Variants in ZNF385D observed in about 807,000 individuals in gnomAD.
The protein encoded by ZNF385D is zinc finger protein 659.
In ZNF385D, 15 loss-of-function variants were observed where a neutral mutation model predicts 35.8. The ratio of observed to expected loss-of-function variants is 0.42; its 90% CI spans 0.28 to 0.64. The LOEUF (loss-of-function observed/expected upper bound fraction) is 0.64. ZNF385D is among the 30% of genes least tolerant of loss of function. ZNF385D has a pLI of 0.23. For missense variants in ZNF385D, 474 were observed against 494.6 expected (o/e 0.96, Z 0.39); for synonymous variants, 212 against 186.8 (o/e 1.13, Z -1.10).
chr3:21,971,128 C>A (rs1703228655), intron 3 of ZNF385D, among the ~76,000 whole-genome samples: 1 of 151,868 alleles, frequency 6.6e-6, no homozygotes, highest in Non-Finnish European at 1.5e-5. Context: ...TCTGAAGGTA[C>A]AAAACTCACT....
At chr3:21,705,565 G>A (rs905093307) in intron 1 of ZNF385D, among the ~76,000 whole-genome samples, 1 of 152,120 alleles carries the variant, frequency 6.6e-6, no homozygotes, top group Non-Finnish European at 1.5e-5. Context: ...CGTGGGCATG[G>A]GAAGGCAAAG....
At chr3:22,189,826 C>T (rs1418790205) in intron 2 of ZNF385D, among the ~76,000 whole-genome samples, 2 of 152,132 alleles carry the variant, frequency 1.3e-5, no homozygotes, top group African/African-American at 4.8e-5. Context: ...TGGGCCCAGC[C>T]AATTCTACAT....
chr3:21,658,274 A>G (rs186268776), intron 2 of ZNF385D, among the ~76,000 whole-genome samples: 1 of 152,178 alleles, frequency 6.6e-6, no homozygotes, highest in East Asian at 1.9e-4. Context: ...TGGGATTTTT[A>G]CATCACTGTC....
chr3:22,273,479 G>A (rs1381538392), intron 2 of ZNF385D, among the ~76,000 whole-genome samples: 2 of 151,826 alleles, frequency 1.3e-5, no homozygotes, highest in Non-Finnish European at 2.9e-5. Flanking sequence ...ATGGGTAGAG[G>A]CCAGAGAAGA....
At chr3:22,062,727 GTGGGAGTTGGTCATAA>G (rs2125544758) in intron 3 of ZNF385D, among the ~76,000 whole-genome samples, 1 of 152,292 alleles carries the variant, frequency 6.6e-6, no homozygotes, top group South Asian at 2.1e-4. Flanking sequence ...TGTATGGTTT[GTGGGAGTTGGTCATAA>G]AAGACATTGC....
intron 3 of ZNF385D, among the ~76,000 whole-genome samples, chr3:22,077,416 T>C (rs1475635581): frequency 6.6e-6 from 1 of 151,950 alleles, no homozygotes; most frequent in Non-Finnish European, 1.5e-5. Context: ...TTGTCCAACA[T>C]TGGTCATTAC....
intron 2 of ZNF385D, among the ~76,000 whole-genome samples, chr3:21,635,391 A>G (rs895557662): frequency 6.6e-6 from 1 of 152,118 alleles, no homozygotes; most frequent in Admixed American, 6.6e-5. Flanking sequence ...ACTTTCCTAC[A>G]AATTGTGTTT....
At chr3:21,549,396 G>A (rs1304130325) in intron 3 of ZNF385D, among the ~76,000 whole-genome samples, 2 of 152,102 alleles carry the variant, frequency 1.3e-5, no homozygotes, top group African/African-American at 2.4e-5. Context: ...AGTATTTTTT[G>A]CTCTGTCCTT....
chr3:21,830,336 C>G (rs1559668403), intron 3 of ZNF385D, among the ~76,000 whole-genome samples: 1 of 152,094 alleles, frequency 6.6e-6, no homozygotes, highest in South Asian at 2.1e-4. Flanking sequence ...AGTTGATGAG[C>G]TGTTTGGATG....
At chr3:21,429,523 TA>T (rs56025505) in intron 5 of ZNF385D, among the ~76,000 whole-genome samples, 4,040 of 152,244 alleles carry the variant, frequency 0.027, 79 homozygotes, top group Non-Finnish European at 0.041. Context: ...TCCTACTCAT[TA>T]AATCTTTCAT....
At chr3:21,556,500 T>C (rs986636340) in intron 3 of ZNF385D, among the ~76,000 whole-genome samples, 1 of 151,326 alleles carries the variant, frequency 6.6e-6, no homozygotes, top group Non-Finnish European at 1.5e-5. Context: ...CATTGCTTAT[T>C]TTTGACGGGT....
chr3:21,629,061 T>C (rs2065210420), intron 2 of ZNF385D, among the ~76,000 whole-genome samples: 1 of 152,102 alleles, frequency 6.6e-6, no homozygotes, highest in Middle Eastern at 3.2e-3. Flanking sequence ...TTAGTAAGGT[T>C]TGGTTGGCTA....
chr3:22,012,360 G>T (rs912910337), intron 3 of ZNF385D, among the ~76,000 whole-genome samples: 2 of 152,078 alleles, frequency 1.3e-5, no homozygotes, highest in African/African-American at 4.8e-5. Flanking sequence ...GACATAACAT[G>T]CTAACTATAT....
intron 2 of ZNF385D, among the ~76,000 whole-genome samples, chr3:22,228,207 C>T (rs773895062): frequency 1.3e-5 from 2 of 152,188 alleles, no homozygotes; most frequent in Admixed American, 6.5e-5. Context: ...GTGAGAGCTA[C>T]TAACCCTACA....
At chr3:22,127,505 A>C (rs955916483) in intron 3 of ZNF385D, among the ~76,000 whole-genome samples, 3 of 151,266 alleles carry the variant, frequency 2.0e-5, no homozygotes, top group African/African-American at 7.3e-5. Context: ...ACACCCAGTT[A>C]ATTTTTGTAC....
intron 3 of ZNF385D, among the ~76,000 whole-genome samples, chr3:22,024,508 A>AAT (rs1293940366): frequency 1.3e-5 from 2 of 152,036 alleles, no homozygotes; most frequent in Non-Finnish European, 1.5e-5. Flanking sequence ...CTCTACTTCT[A>AAT]ATAGTATGGA....
intron 4 of ZNF385D, among the ~76,000 whole-genome samples, chr3:21,471,626 A>G (rs536008693): frequency 6.6e-6 from 1 of 152,308 alleles, no homozygotes; most frequent in South Asian, 2.1e-4. Context: ...TGGAACACAG[A>G]GAAACACTTC....
intron 3 of ZNF385D, among the ~76,000 whole-genome samples, chr3:22,022,928 G>A (rs1697310253): frequency 6.6e-6 from 1 of 152,154 alleles, no homozygotes; most frequent in South Asian, 2.1e-4. Flanking sequence ...GGTTGGCCCT[G>A]TGGGGATCAG....
intron 2 of ZNF385D, among the ~76,000 whole-genome samples, chr3:22,292,601 G>T (rs1028373777): frequency 6.6e-6 from 1 of 151,986 alleles, no homozygotes; most frequent in East Asian, 1.9e-4. Flanking sequence ...TTTCATGTTG[G>T]TTCTTTCACA....
Sources: allele counts gnomAD v4.1 joint callset (sites outside exome capture counted in the v4.1 genomes callset), GRCh38; gene constraint gnomAD v4.1.1; transcripts MANE v1.5; gene names NCBI Gene and HGNC (gene_info 2026-07-23, HGNC 2026-07-21).